The following EYS variants were observed in gnomAD, a reference collection of about 807,000 sequenced individuals.
EYS encodes protein eyes shut homolog.
EYS carries 250 observed loss-of-function variants against 282.1 expected under a neutral mutation model. The observed-to-expected ratio is 0.89, with a 90% CI of 0.80 to 0.98. The LOEUF (loss-of-function observed/expected upper bound fraction) is 0.98. EYS is among the 50% of genes least tolerant of loss of function. The pLI is 0.00. For missense variants in EYS, 4,016 were observed against 3,709.0 expected, an observed-to-expected ratio of 1.08 and a Z score of -2.15; for synonymous variants, 1,355 against 1,282.9, an observed-to-expected ratio of 1.06 and a Z score of -1.20.
intron 12 of EYS, among the ~76,000 whole-genome samples, chr6:65,253,446 A>T (rs1448528641): frequency 9.2e-5 from 14 of 151,886 alleles, no homozygotes; most frequent in Non-Finnish European, 1.5e-5. Flanking sequence ...TACTTATCCA[A>T]GGTGATTTTC....
At chr6:64,166,827 G>C (rs1764304045) in intron 31 of EYS, among the ~76,000 whole-genome samples, 1 of 152,158 alleles carries the variant, frequency 6.6e-6, no homozygotes, top group Non-Finnish European at 1.5e-5. Flanking sequence ...AAAGTAGCTT[G>C]CTAATGATAA....
At chr6:64,241,657 T>TTTTGTG (rs372019243) in intron 30 of EYS, among the ~76,000 whole-genome samples, 148 of 149,258 alleles carry the variant, frequency 9.9e-4, no homozygotes, top group African/African-American at 3.6e-3. Context: ...TTGAAGGTTT[T>TTTTGTG]TGTGTGTGTG....
At chr6:64,915,970 A>G (rs549824114) in intron 15 of EYS, among the ~76,000 whole-genome samples, 2 of 152,128 alleles carry the variant, frequency 1.3e-5, no homozygotes, top group African/African-American at 4.8e-5. Context: ...TTCTTTAAAC[A>G]TTTTGTGAAA....
chr6:64,946,755 A>G (rs538801783), intron 14 of EYS, among the ~76,000 whole-genome samples: 1 of 152,090 alleles, frequency 6.6e-6, no homozygotes, highest in African/African-American at 2.4e-5. Context: ...TAAAATACAT[A>G]TTGAATGTTG....
chr6:63,776,893 CTT>C, intron 40 of EYS, among the ~76,000 whole-genome samples: 1 of 152,252 alleles, frequency 6.6e-6, no homozygotes, highest in Non-Finnish European at 1.5e-5. Context: ...GACTACAACT[CTT>C]TAGATAAAGT....
At chr6:63,727,737 A>T (rs368761750) in intron 41 of EYS, among the ~76,000 whole-genome samples, 999 of 36,344 alleles carry the variant, frequency 0.027, 115 homozygotes, top group African/African-American at 0.17. Flanking sequence ...AAAAAAAAAA[A>T]ATATATATAT....
Position 64,855,427 on chromosome 6 carries a change from A to G in EYS, c.2992+31270T>C, listed in dbSNP as rs544786418. Among the ~76,000 whole-genome samples the G allele has an allele frequency of 7.9e-5, 12 of 152,064 alleles. 1 individual carries two copies. The highest frequency in any genetic ancestry group is 6.2e-4 in the South Asian group (3 of 4,814). On this transcript the variant is annotated intron_variant, in intron 19 of 42. Transcript: ENST00000503581. ...TTTTCTTATTTTTCGCTTTTATTCCAAAAGAATTTTTCATCTCTGATATTG... is the reference window on the plus strand; with the variant it reads ...TTTTCTTATTTTTCGCTTTTATTCCGAAAGAATTTTTCATCTCTGATATTG...
intron 12 of EYS, among the ~76,000 whole-genome samples, chr6:65,164,253 T>C (rs1487506429): frequency 1.3e-5 from 2 of 151,278 alleles, no homozygotes; most frequent in Non-Finnish European, 3.0e-5. Context: ...AATGTTCACA[T>C]GCACTTGGAA....
At chr6:64,990,033 T>C (rs990752263) in intron 14 of EYS, among the ~76,000 whole-genome samples, 17 of 151,468 alleles carry the variant, frequency 1.1e-4, no homozygotes, top group African/African-American at 3.9e-4. Context: ...TGTTTACACA[T>C]GTATCTATCA....
intron 5 of EYS, among the ~76,000 whole-genome samples, chr6:65,426,491 A>G (rs1767668717): frequency 6.6e-6 from 1 of 152,154 alleles, no homozygotes; most frequent in Admixed American, 6.6e-5. Flanking sequence ...ATAAGAGGCA[A>G]TGTGGTAAAA....
chr6:65,638,561 C>T (rs1013111362), intron 2 of EYS, among the ~76,000 whole-genome samples: 2 of 152,208 alleles, frequency 1.3e-5, no homozygotes, highest in Non-Finnish European at 2.9e-5. Flanking sequence ...CCACCGCAGT[C>T]CCCTCATCCA....
intron 26 of EYS, among the ~76,000 whole-genome samples, chr6:64,567,463 C>A (rs761708355): frequency 1.3e-5 from 2 of 151,964 alleles, no homozygotes; most frequent in Non-Finnish European, 2.9e-5. Context: ...ATCACACACA[C>A]AAATAAATAT....
intron 28 of EYS, among the ~76,000 whole-genome samples, chr6:64,412,962 A>T (rs1773949953): frequency 6.6e-6 from 1 of 152,158 alleles, no homozygotes; most frequent in African/African-American, 2.4e-5. Context: ...CGAATTTATG[A>T]TGCATGCCTG....
intron 22 of EYS, among the ~76,000 whole-genome samples, chr6:64,716,646 C>A (rs1235194692): frequency 6.6e-6 from 1 of 152,168 alleles, no homozygotes; most frequent in Non-Finnish European, 1.5e-5. Flanking sequence ...AACTCTTCAC[C>A]AATAGTGAAG....
chr6:64,719,372 G>A (rs1278636735), intron 22 of EYS, among the ~76,000 whole-genome samples: 2 of 152,092 alleles, frequency 1.3e-5, no homozygotes, highest in African/African-American at 4.8e-5. Flanking sequence ...GAAAATGTAA[G>A]TTTTATTGCT....
At chr6:63,775,977 T>C (rs932160052) in intron 40 of EYS, among the ~76,000 whole-genome samples, 1 of 152,176 alleles carries the variant, frequency 6.6e-6, no homozygotes, top group African/African-American at 2.4e-5. Flanking sequence ...TTTGTAATTA[T>C]GTCAATAAGA....
chr6:65,168,263 G>T (rs890514286), intron 12 of EYS, among the ~76,000 whole-genome samples: 3 of 151,216 alleles, frequency 2.0e-5, no homozygotes, highest in African/African-American at 7.3e-5. Flanking sequence ...TAGCAGTCCA[G>T]TACCACCAAA....
At chr6:64,018,362 T>A (rs961506385) in intron 33 of EYS, among the ~76,000 whole-genome samples, 68 of 152,126 alleles carry the variant, frequency 4.5e-4, no homozygotes, top group African/African-American at 1.6e-3. Context: ...ATTCAGGGGT[T>A]TTTTGTTGTT....
intron 9 of EYS, 98 bp from the exon 10 acceptor site, chr6:65,344,275 AT>A: frequency 4.9e-6 from 5 of 1,020,124 alleles, no homozygotes; most frequent in Non-Finnish European, 6.0e-6. Flanking sequence ...GAAAAGATAA[AT>A]TTGACAACAT....
Sources: allele counts gnomAD v4.1 joint callset (sites outside exome capture counted in the v4.1 genomes callset), GRCh38; gene constraint gnomAD v4.1.1; transcripts MANE v1.5; gene names NCBI Gene and HGNC (gene_info 2026-07-23, HGNC 2026-07-21).